AGO1: variants seen among roughly 807,000 people sequenced by gnomAD.
The protein encoded by AGO1 is argonaute RISC component 1.
AGO1 carries 11 observed loss-of-function variants against 109.2 expected under a neutral mutation model. That is an observed-to-expected ratio of 0.10 (90% CI 0.06 to 0.17). AGO1 has a LOEUF of 0.17. AGO1 is among the 10% of genes least tolerant of loss of function. AGO1 has a pLI of 1.00. For missense variants in AGO1, 574 were observed against 1,140.3 expected, an observed-to-expected ratio of 0.50 and a Z score of 7.15; for synonymous variants, 422 against 418.6, an observed-to-expected ratio of 1.01 and a Z score of -0.10.
intron 2 of AGO1, among the ~76,000 whole-genome samples, chr1:35,890,843 C>A (rs1645204414): frequency 6.6e-6 from 1 of 152,010 alleles, no homozygotes; most frequent in Admixed American, 6.6e-5. Context: ...TGATCTTGGT[C>A]TAATTTTAAA....
chr1:35,925,295 A>G lies in AGO1; in HGVS notation c.*5688A>G, dbSNP rs182177708. 41 of 151,400 alleles carry G rather than the reference A, an allele frequency of 2.7e-4. No homozygotes were observed. Among genetic ancestry groups the G allele is most frequent in the Admixed American group, 8.6e-4 (13 of 15,174 alleles). 9.4% of individuals were successfully genotyped at this position (151,400 alleles called of 1,614,324 possible). On this transcript the variant is annotated 3_prime_UTR_variant, in exon 19 of 19. Coordinates refer to ENST00000373204, the MANE Select transcript of AGO1 (RefSeq NM_012199.5). ...TATTCTCCAGTATTTCTTGAAAATG[A>G]GCATTGGAAAAACCAATTCTAAAAT... is the stretch of plus-strand genomic sequence containing the variant.
Position 35,895,133 on chromosome 1 carries a change from A to G in AGO1, c.884A>G (p.Gln295Arg). ...RPASHQTFPL[Q>R]LESGQTVECT... ...CTTCTTCTGAACAGATTCCCCTTACAGCTGGAGAGTGGACAGACTGTGGAG... is the reference window on the plus strand; with the variant it reads ...CTTCTTCTGAACAGATTCCCCTTACGGCTGGAGAGTGGACAGACTGTGGAG... The change falls in exon 8 of 19, where the codon CAG becomes CGG. Residue 295 changes from glutamine to arginine, a missense_variant. Gln to Arg is a conservative substitution (Grantham distance 43). This residue lies in a region of AGO1 where 42 missense variants were observed against 142.4 expected (regional missense o/e 0.29). Transcript: ENST00000373204. The G allele has an allele frequency of 6.2e-7, 1 of 1,611,228 alleles. No homozygotes were observed. Among genetic ancestry groups the G allele is most frequent in the Non-Finnish European group, 8.5e-7 (1 of 1,178,796 alleles).
At chr1:35,877,695 T>C (rs1390047245) in intron 1 of AGO1, among the ~76,000 whole-genome samples, 1 of 152,078 alleles carries the variant, frequency 6.6e-6, no homozygotes, top group East Asian at 1.9e-4. Flanking sequence ...TATAAAATAT[T>C]AGTAATTTTT....
Position 35,888,334 on chromosome 1 carries a change from C to A in AGO1, c.26-93C>A. On this transcript the variant is annotated intron_variant, in intron 1 of 18. Coordinates refer to ENST00000373204, the MANE Select transcript of AGO1 (RefSeq NM_012199.5). The surrounding 1 kb of genome is among the most constrained non-coding windows in gnomAD (Gnocchi z 4.1). The stretch of plus-strand genomic sequence containing the variant: ...AGGAAAGAGGCATTCTCTATACTCT[C>A]GTGTTCCTGTTCTGGGAGGCCTTGT... 2.2e-6 allele frequency: 3 copies of A among 1,334,562 alleles called. No homozygotes were observed. Among genetic ancestry groups the A allele is most frequent in the Admixed American group, 1.9e-5 (1 of 51,428 alleles). The allele number at this position is 1,334,562 out of a possible 1,614,324, so 82.7% of individuals were successfully genotyped here. A position where few individuals can be genotyped will look rare whatever the true frequency, so the allele number is the denominator to read the frequency against.
intron 8 of AGO1, among the ~76,000 whole-genome samples, chr1:35,896,659 A>G (rs562988077): frequency 2.0e-5 from 3 of 152,082 alleles, no homozygotes; most frequent in Admixed American, 1.3e-4. Context: ...CGCCTGGCCT[A>G]CCCTCTTACT....
chr1:35,894,296 A>C lies in AGO1; in HGVS notation c.785-19A>C. The C allele has an allele frequency of 6.2e-7, 1 of 1,613,816 alleles. No homozygotes were observed. Among genetic ancestry groups the C allele is most frequent in the East Asian group, 2.2e-5 (1 of 44,878 alleles). On this transcript the variant is annotated intron_variant, in intron 6 of 18. Transcript: ENST00000373204. Reference sequence around the variant, plus strand: ...TGAGCAACCTATTTTAGCCCTGACAAGCAGTGTGTGTATCTCAGGCCTGAA... The same window carrying C: ...TGAGCAACCTATTTTAGCCCTGACACGCAGTGTGTGTATCTCAGGCCTGAA...
At chr1:35,873,213 G>C (rs533918635) in intron 1 of AGO1, 1 of 151,994 alleles carries the variant, frequency 6.6e-6, no homozygotes, top group South Asian at 2.1e-4. Context: ...CAGTATTTTA[G>C]TTCTGTCCCA....
At position 35,918,971 on chromosome 1, in the gene AGO1, A is replaced by G. The variant is rs905247766; in HGVS notation, c.2266-84A>G. 1.0e-5 allele frequency: 13 copies of G among 1,252,018 alleles called. No homozygotes were observed. The African/African-American group carries it at 1.8e-4, about 17-fold the overall frequency. The allele number at this position is 1,252,018 out of a possible 1,614,324, so 77.6% of individuals were successfully genotyped here. A position where few individuals can be genotyped will look rare whatever the true frequency, so the allele number is the denominator to read the frequency against. ...TCATGGGTGAATTATCTACCCAGCC[A>G]TATTCTTAACAGTGATCCTGTTCCC... On this transcript the variant is annotated intron_variant, in intron 17 of 18. Transcript: ENST00000373204.
At chr1:35,880,968 G>A (rs1355997375), upstream of AGO1, among the ~76,000 whole-genome samples, 1 of 152,090 alleles carries the variant, frequency 6.6e-6, no homozygotes, top group Non-Finnish European at 1.5e-5. Context: ...CCACTGAAGT[G>A]TTTTTATGTA....
In AGO1 at chr1:35,883,401, A is replaced by C. The variant is rs1365195293; in HGVS notation, c.-21A>C. The C allele has an allele frequency of 6.3e-7, 1 of 1,580,318 alleles. No individual in the cohort carries two copies. The highest frequency in any genetic ancestry group is 8.6e-7 in the Non-Finnish European group (1 of 1,165,098). ...GACTTCACAGTCTCCGGGCCGCCTG[A>C]CCTCCGCACGGGTATATGGGATGGA... On this transcript the variant is annotated 5_prime_UTR_variant, in exon 1 of 19. Coordinates refer to ENST00000373204, the MANE Select transcript of AGO1 (RefSeq NM_012199.5). The surrounding 1 kb of genome is among the most constrained non-coding windows in gnomAD (Gnocchi z 5.4).
rs1645940116 is a variant in AGO1, at chr1:35,926,924, G to T, written c.*7317G>T. 6.7e-6 allele frequency: 1 copy of T among 150,212 alleles called. No homozygotes were observed. Among genetic ancestry groups the T allele is most frequent in the Admixed American group, 6.7e-5 (1 of 15,028 alleles). The allele number at this position is 150,212 out of a possible 1,614,324, so 9.3% of individuals were successfully genotyped here. On this transcript the variant is annotated 3_prime_UTR_variant, in exon 19 of 19. Coordinates refer to ENST00000373204, the MANE Select transcript of AGO1 (RefSeq NM_012199.5). ...TAGCATCTTCACCACCATCCTCTTG[G>T]CAATGGTTTTTTGTTTGGGGTTTTT...
At position 35,920,926 on chromosome 1, in the gene AGO1, T is replaced by C. The variant is rs2148727056; in HGVS notation, c.*1319T>C. The C allele has an allele frequency of 6.5e-6, 1 of 152,714 alleles. No individual in the cohort carries two copies. The highest frequency in any genetic ancestry group is 1.5e-5 in the Non-Finnish European group (1 of 68,026). 9.5% of individuals were successfully genotyped at this position (152,714 alleles called of 1,614,324 possible). ...GGAAATCCTTCCCATGCCTGATGAG[T>C]TTATATCCCAGAAACATTGAGCCAT... On this transcript the variant is annotated 3_prime_UTR_variant, in exon 19 of 19. Coordinates refer to ENST00000373204, the MANE Select transcript of AGO1 (RefSeq NM_012199.5).
At chr1:35,910,969 G>A (rs1645621866) in intron 12 of AGO1, among the ~76,000 whole-genome samples, 1 of 152,232 alleles carries the variant, frequency 6.6e-6, no homozygotes, top group Admixed American at 6.5e-5. Context: ...GGGAGGCTGA[G>A]GCCGGAGAAT....
chr1:35,888,690 A>G lies in AGO1; in HGVS notation c.209+80A>G. ...GGGCCAGAAAGGTAAAAGAAAAACC[A>G]GTAGAGGGTAGTATCACCAAATCTA... On this transcript the variant is annotated intron_variant, in intron 2 of 18. Transcript: ENST00000373204. The surrounding 1 kb of genome is among the most constrained non-coding windows in gnomAD (Gnocchi z 4.1). The G allele has an allele frequency of 1.3e-6, 2 of 1,489,594 alleles. No individual in the cohort carries two copies. Among genetic ancestry groups the G allele is most frequent in the Non-Finnish European group, 1.8e-6 (2 of 1,095,062 alleles). The allele number at this position is 1,489,594 out of a possible 1,614,324, so 92.3% of individuals were successfully genotyped here.
At chr1:35,912,146 A>G (rs565805472) in intron 12 of AGO1, among the ~76,000 whole-genome samples, 1 of 152,264 alleles carries the variant, frequency 6.6e-6, no homozygotes, top group South Asian at 2.1e-4. Flanking sequence ...TCATGAGGTC[A>G]GGAGATCGAG....
At position 35,893,532 on chromosome 1, in the gene AGO1, A is replaced by C. The variant is rs1258801611; in HGVS notation, c.513-142A>C. 1.1e-6 allele frequency: 1 copy of C among 933,382 alleles called. No homozygotes were observed. The highest frequency in any genetic ancestry group is 1.6e-6 in the Non-Finnish European group (1 of 640,090). The allele number at this position is 933,382 out of a possible 1,614,324, so 57.8% of individuals were successfully genotyped here. A position where few individuals can be genotyped will look rare whatever the true frequency, so the allele number is the denominator to read the frequency against. On this transcript the variant is annotated intron_variant, in intron 4 of 18. Transcript: ENST00000373204. This position sits in a 1 kb window ranked among gnomAD's most constrained non-coding sequence, Gnocchi z 5.6. Reference sequence around the variant, plus strand: ...AGAAGGTAGAAACTTGTACAAGGTCAGTCATACAACTAGTAAAGCATCAGA... The same window carrying C: ...AGAAGGTAGAAACTTGTACAAGGTCCGTCATACAACTAGTAAAGCATCAGA...
In AGO1 at chr1:35,919,203, G is replaced by A. The variant is rs1365053413; in HGVS notation, c.2414G>A (p.Arg805His). 1.9e-6 allele frequency: 3 copies of A among 1,614,114 alleles called. No homozygotes were observed. Among genetic ancestry groups the A allele is most frequent in the Non-Finnish European group, 1.7e-6 (2 of 1,179,996 alleles). Residue 805 changes from arginine (R) to histidine (H), a missense_variant, in exon 18 of 19, where the codon CGC (arginine) becomes CAC (histidine). Arg to His is a conservative substitution (Grantham distance 29). Transcript: ENST00000373204. The surrounding 1 kb of genome is among the most constrained non-coding windows in gnomAD (Gnocchi z 6.6). ...VSIPAPAYYA[R>H]LVAFRARYHL... ...ATCCCAGCACCTGCCTACTATGCCC[G>A]CCTGGTGGCTTTCCGGGCACGATAC...
intron 12 of AGO1, among the ~76,000 whole-genome samples, chr1:35,913,422 C>G (rs1645677237): frequency 6.6e-6 from 1 of 152,182 alleles, no homozygotes; most frequent in Admixed American, 6.5e-5. Flanking sequence ...TTCTTTTTAG[C>G]TGCTATGGCC....
At chr1:35,900,633 A>G (rs1645397061) in intron 8 of AGO1, among the ~76,000 whole-genome samples, 1 of 152,240 alleles carries the variant, frequency 6.6e-6, no homozygotes, top group African/African-American at 2.4e-5. Context: ...ACGCTGAGGC[A>G]GGAGAATCGC....
Sources: gnomAD v4.1 joint callset for allele counts (sites outside exome capture counted in the v4.1 genomes callset) on GRCh38, gnomAD v4.1.1 for gene constraint, gnomAD v4.1.1 regional missense constraint, Gnocchi (gnomAD v3.1) non-coding constraint, MANE v1.5 for transcripts, NCBI Gene and HGNC (gene_info 2026-07-23, HGNC 2026-07-21) for gene names.